Variants in PDP2 observed in about 807,000 individuals in gnomAD.
PDP2 encodes pyruvate dehydrogenase phosphatase catalytic subunit 2.
In PDP2, 23 loss-of-function variants were observed where a neutral mutation model predicts 34.2. That is an observed-to-expected ratio of 0.67 (90% CI 0.48 to 0.95). The LOEUF is 0.95. Ranked by LOEUF, PDP2 falls within the 40% of genes least tolerant of loss-of-function variation. PDP2 has a pLI of 0.00. For missense variants in PDP2, 571 were observed against 659.6 expected (o/e 0.87, Z 1.47); for synonymous variants, 275 against 269.2 (o/e 1.02, Z -0.21).
Position 66,885,056 on chromosome 16 carries a change from C to A in PDP2, c.772C>A (p.Leu258Met), listed in dbSNP as rs770320220. The change falls in exon 2 of 2, where the codon CTG becomes ATG. Residue 258 changes from leucine to methionine, a missense_variant. By Grantham distance (15) the Leu-to-Met change is conservative. This residue lies in a region of PDP2 where 281 missense variants were observed against 375.8 expected (regional missense o/e 0.75). Coordinates refer to ENST00000311765, the MANE Select transcript of PDP2 (RefSeq NM_020786.4). This position sits in a 1 kb window ranked among gnomAD's most constrained non-coding sequence, Gnocchi z 4.6. ...APLEDEVTRN[L>M]SLQVAFSGAT... is the part of the protein sequence containing the mutation. ...CCTGGAAGATGAGGTGACAAGGAACCTGTCACTCCAGGTTGCTTTCTCTGG... is the reference window on the plus strand; with the variant it reads ...CCTGGAAGATGAGGTGACAAGGAACATGTCACTCCAGGTTGCTTTCTCTGG... The A allele has an allele frequency of 2.5e-6, 4 of 1,613,952 alleles. No individual in the cohort carries two copies. In the Admixed American group the frequency reaches 6.7e-5, roughly 27 times the overall value.
In PDP2 at chr16:66,884,439, C is replaced by T. The variant is rs1171197945; in HGVS notation, c.155C>T (p.Ser52Phe). 1.9e-6 allele frequency: 3 copies of T among 1,614,002 alleles called. No individual in the cohort carries two copies. Among genetic ancestry groups the T allele is most frequent in the East Asian group, 2.2e-5 (1 of 44,896 alleles). Residue 52 changes from serine to phenylalanine, a missense_variant, in exon 2 of 2, where the codon TCC becomes TTC. By Grantham distance (155) the Ser-to-Phe change is radical (BLOSUM62 -2). This residue lies in a region of PDP2 where 290 missense variants were observed against 283.8 expected (regional missense o/e 1.02). Coordinates refer to ENST00000311765, the MANE Select transcript of PDP2 (RefSeq NM_020786.4). The part of the protein sequence containing the change: ...FSRVPPTLNS[S>F]PCGGFTLCKA... Reference sequence around the variant, plus strand: ...CGGGTGCCACCCACCCTAAACAGTTCCCCATGTGGTGGCTTTACTCTGTGC... The same window carrying T: ...CGGGTGCCACCCACCCTAAACAGTTTCCCATGTGGTGGCTTTACTCTGTGC...
intron 1 of PDP2, among the ~76,000 whole-genome samples, chr16:66,881,502 G>A (rs978887688): frequency 7.3e-5 from 11 of 151,154 alleles, no homozygotes; most frequent in African/African-American, 2.7e-4. Flanking sequence ...CAGGGCTAGT[G>A]AAGGGACTAG....
chr16:66,884,205 T>A lies in PDP2; in HGVS notation c.-54-26T>A, dbSNP rs1311003629. The A allele has an allele frequency of 1.0e-5, 13 of 1,304,428 alleles. No individual in the cohort carries two copies. The East Asian group carries it at 3.0e-4, about 31-fold the overall frequency. 80.8% of individuals were successfully genotyped at this position (1,304,428 alleles called of 1,614,324 possible). ...AAAAAAAAAAAAAAGAAATTAAATT[T>A]GAAACTTCAACTTTTTAATTTTTAG... On this transcript the variant is annotated intron_variant, in intron 1 of 1. Transcript: ENST00000311765.
rs1467343041 is a variant in PDP2, at chr16:66,889,042, A to T, written c.*3168A>T. ...TCTCCCTGACCACTATCCTGCTGTCATTGGACTTCTTGAAGCACATGGGCT... is the reference window on the plus strand; with the variant it reads ...TCTCCCTGACCACTATCCTGCTGTCTTTGGACTTCTTGAAGCACATGGGCT... On this transcript the variant is annotated 3_prime_UTR_variant, in exon 2 of 2. Transcript: ENST00000311765. 6.7e-6 allele frequency: 1 copy of T among 149,182 alleles called. No individual in the cohort carries two copies. The highest frequency in any genetic ancestry group is 2.6e-5 in the African/African-American group (1 of 39,114). The allele number at this position is 149,182 out of a possible 1,614,324, so 9.2% of individuals were successfully genotyped here.
In PDP2 at chr16:66,884,699, A is replaced by C. The variant is rs199732145; in HGVS notation, c.415A>C (p.Ile139Leu). 69 of 1,614,228 alleles carry C rather than the reference A, an allele frequency of 4.3e-5. No homozygotes were observed. Among genetic ancestry groups the C allele is most frequent in the Non-Finnish European group, 5.8e-5 (68 of 1,180,046 alleles). The stretch of plus-strand genomic sequence containing the variant: ...GCAAACCAATGGACTGATGTTTGGC[A>C]TCTTCGATGGACATGGTGGTCATGC... ...CLQTNGLMFGIFDGHGGHACA... is the reference protein window; with the variant it reads ...CLQTNGLMFGLFDGHGGHACA... Residue 139 changes from isoleucine (I) to leucine (L), a missense_variant, in exon 2 of 2, where the codon ATC becomes CTC. Ile to Leu is a conservative substitution (Grantham distance 5). Coordinates refer to ENST00000311765, the MANE Select transcript of PDP2 (RefSeq NM_020786.4).
Position 66,885,451 on chromosome 16 carries a change from G to T in PDP2, c.1167G>T (p.Leu389=), listed in dbSNP as rs1242976324. ...TPPHYYTPPY[L]TAEPEVTYHR... is the part of the protein sequence containing the mutation. The stretch of plus-strand genomic sequence containing the variant: ...CACACTACTACACTCCACCCTACCT[G>T]ACTGCTGAGCCTGAGGTCACATACC... The change falls in exon 2 of 2, where the codon CTG becomes CTT. Residue 389 remains leucine, a synonymous_variant. Transcript: ENST00000311765. The surrounding 1 kb of genome is among the most constrained non-coding windows in gnomAD (Gnocchi z 4.6). 1.7e-5 allele frequency: 28 copies of T among 1,613,742 alleles called. No homozygotes were observed. Among genetic ancestry groups the T allele is most frequent in the Non-Finnish European group, 2.4e-5 (28 of 1,180,038 alleles).
rs754711019 is a variant in PDP2, at chr16:66,884,979, T to G, written c.695T>G (p.Met232Arg). 1.2e-6 allele frequency: 2 copies of G among 1,613,700 alleles called. No homozygotes were observed. The highest frequency in any genetic ancestry group is 1.1e-5 in the South Asian group (1 of 91,086). Residue 232 changes from methionine to arginine, a missense_variant, in exon 2 of 2, where the codon ATG becomes AGG. Physicochemically the swap from Met to Arg is moderately conservative, Grantham distance 91. Around this residue, in one of 2 missense-constraint regions of PDP2, gnomAD observed 290 missense variants for 283.8 expected, o/e 1.02. Coordinates refer to ENST00000311765, the MANE Select transcript of PDP2 (RefSeq NM_020786.4). ...EMGLSIEEAL[M>R]YSFQRLDSDI... The stretch of plus-strand genomic sequence containing the variant: ...GGACTAAGCATTGAAGAAGCATTAA[T>G]GTACTCCTTCCAGAGACTGGATTCT...
Position 66,885,990 on chromosome 16 carries a change from A to G in PDP2, c.*116A>G, listed in dbSNP as rs1961752347. 4 of 1,067,218 alleles carry G rather than the reference A, an allele frequency of 3.7e-6. No individual in the cohort carries two copies. The allele number at this position is 1,067,218 out of a possible 1,614,324, so 66.1% of individuals were successfully genotyped here. On this transcript the variant is annotated 3_prime_UTR_variant, in exon 2 of 2. Transcript: ENST00000311765. The surrounding 1 kb of genome is among the most constrained non-coding windows in gnomAD (Gnocchi z 4.6). Reference sequence around the variant, plus strand: ...AAAGCGCAGGCAGATTTAATTTGCTAAATAGACTAACAGGAGGAAAAAAAC... The same window carrying G: ...AAAGCGCAGGCAGATTTAATTTGCTGAATAGACTAACAGGAGGAAAAAAAC...
intron 1 of PDP2, among the ~76,000 whole-genome samples, chr16:66,881,427 T>TTTTTTAA (rs775338010): frequency 8.5e-5 from 12 of 141,336 alleles, no homozygotes; most frequent in African/African-American, 1.9e-4. Flanking sequence ...TGTTTTTTTT[T>TTTTTTAA]TTTTAATTTA....
In PDP2 at chr16:66,887,662, T is replaced by G. The variant is rs1360884177; in HGVS notation, c.*1788T>G. ...TCCTTTTATTCTGAAACCATTAATATTCCTTCTTGGCTGGGTGCAGTAGTT... is the reference window on the plus strand; with the variant it reads ...TCCTTTTATTCTGAAACCATTAATAGTCCTTCTTGGCTGGGTGCAGTAGTT... On this transcript the variant is annotated 3_prime_UTR_variant, in exon 2 of 2. Transcript: ENST00000311765. 1.2e-5 allele frequency: 2 copies of G among 167,092 alleles called. No homozygotes were observed. The highest frequency in any genetic ancestry group is 6.5e-5 in the Admixed American group (1 of 15,282). 10.4% of individuals were successfully genotyped at this position (167,092 alleles called of 1,614,324 possible). A position where few individuals can be genotyped will look rare whatever the true frequency, so the allele number is the denominator to read the frequency against.
In PDP2 at chr16:66,885,335, G is replaced by A. The variant is rs1267735075; in HGVS notation, c.1051G>A (p.Val351Ile). The change falls in exon 2 of 2, where the codon GTT becomes ATT. Residue 351 changes from valine to isoleucine, a missense_variant. Physicochemically the swap from Val to Ile is conservative, Grantham distance 29. Transcript: ENST00000311765. This position sits in a 1 kb window ranked among gnomAD's most constrained non-coding sequence, Gnocchi z 4.6. ...VLIPCRAFGD[V>I]QLKWSKELQR... is the part of the protein sequence containing the mutation. ...CATCCCCTGCAGGGCCTTTGGGGAT[G>A]TTCAGCTGAAGTGGAGTAAAGAGTT... The A allele has an allele frequency of 1.2e-6, 2 of 1,614,020 alleles. No individual in the cohort carries two copies. The highest frequency in any genetic ancestry group is 2.7e-5 in the African/African-American group (2 of 74,938).
At chr16:66,881,092 C>T (rs1961494729) in intron 1 of PDP2, among the ~76,000 whole-genome samples, 1 of 152,222 alleles carries the variant, frequency 6.6e-6, no homozygotes, top group Non-Finnish European at 1.5e-5. Flanking sequence ...GGAGTCCATG[C>T]ACTTAGCGAT....
At chr16:66,881,428 T>TTTTAATTTAATTTAATTTAA (rs57764227) in intron 1 of PDP2, among the ~76,000 whole-genome samples, 12 of 119,176 alleles carry the variant, frequency 1.0e-4, no homozygotes, top group African/African-American at 4.9e-4. Context: ...GTTTTTTTTT[T>TTTTAATTTAATTTAATTTAA]TTTAATTTAA....
At position 66,886,329 on chromosome 16, in the gene PDP2, T is replaced by C; in HGVS notation, c.*455T>C. The C allele has an allele frequency of 4.1e-6, 1 of 245,144 alleles. No homozygotes were observed. The highest frequency in any genetic ancestry group is 9.2e-6 in the Non-Finnish European group (1 of 108,966). The allele number at this position is 245,144 out of a possible 1,614,324, so 15.2% of individuals were successfully genotyped here. A position where few individuals can be genotyped will look rare whatever the true frequency, so the allele number is the denominator to read the frequency against. On this transcript the variant is annotated 3_prime_UTR_variant, in exon 2 of 2. Coordinates refer to ENST00000311765, the MANE Select transcript of PDP2 (RefSeq NM_020786.4). ...AGACTATGAAGAGATATTTTATTTG[T>C]TTGTCTTTTATTTAAATTACTAAGG...
chr16:66,883,936 AG>A (rs1421628723), intron 1 of PDP2, among the ~76,000 whole-genome samples: 1 of 151,820 alleles, frequency 6.6e-6, no homozygotes, highest in Non-Finnish European at 1.5e-5. Context: ...GCACTTTGGG[AG>A]GCCGAGGCAG....
intron 1 of PDP2, among the ~76,000 whole-genome samples, chr16:66,881,893 G>A (rs1212923888): frequency 6.6e-6 from 1 of 152,054 alleles, no homozygotes; most frequent in African/African-American, 2.4e-5. Context: ...ATCACCCAGG[G>A]TGGTCTTAAA....
In PDP2 at chr16:66,885,565, G is replaced by A. The variant is rs367888427; in HGVS notation, c.1281G>A (p.Val427=). 4 of 1,614,130 alleles carry A rather than the reference G, an allele frequency of 2.5e-6. No individual in the cohort carries two copies. The African/African-American group carries it at 4.0e-5, about 16-fold the overall frequency. The change falls in exon 2 of 2, where the codon GTG becomes GTA. Residue 427 remains valine (V), a synonymous_variant. Coordinates refer to ENST00000311765, the MANE Select transcript of PDP2 (RefSeq NM_020786.4). This position sits in a 1 kb window ranked among gnomAD's most constrained non-coding sequence, Gnocchi z 4.6. ...MLSNEDVVRL[V]VGHLAEADWH... ...GCAATGAGGACGTGGTAAGGCTGGT[G>A]GTGGGGCACCTGGCTGAGGCAGATT...
Position 66,886,089 on chromosome 16 carries a change from T to A in PDP2, c.*215T>A. On this transcript the variant is annotated 3_prime_UTR_variant, in exon 2 of 2. Transcript: ENST00000311765. ...CTGTATGTTCTGATTAAGTCTTATA[T>A]GCAGAGAGGACAGAGCATAAAGTCT... The A allele has an allele frequency of 3.6e-6, 2 of 559,818 alleles. No individual in the cohort carries two copies. Among genetic ancestry groups the A allele is most frequent in the South Asian group, 4.5e-5 (2 of 44,308 alleles). 34.7% of individuals were successfully genotyped at this position (559,818 alleles called of 1,614,324 possible).
chr16:66,885,284 A>G lies in PDP2; in HGVS notation c.1000A>G (p.Met334Val), dbSNP rs762520660. ...TGAGTCAGAGGACAGGACGATCATCATGGAGGACAGGCTACTGGGCGTCCT... is the reference window on the plus strand; with the variant it reads ...TGAGTCAGAGGACAGGACGATCATCGTGGAGGACAGGCTACTGGGCGTCCT... Reference protein sequence around the residue: ...HPESEDRTIIMEDRLLGVLIP... With the variant: ...HPESEDRTIIVEDRLLGVLIP... The change falls in exon 2 of 2, where the codon ATG becomes GTG. Residue 334 changes from methionine to valine, a missense_variant. By Grantham distance (21) the Met-to-Val change is conservative. Coordinates refer to ENST00000311765, the MANE Select transcript of PDP2 (RefSeq NM_020786.4). The surrounding 1 kb of genome is among the most constrained non-coding windows in gnomAD (Gnocchi z 4.6). 35 of 1,614,052 alleles carry G rather than the reference A, an allele frequency of 2.2e-5. No homozygotes were observed. The highest frequency in any genetic ancestry group is 2.8e-5 in the Non-Finnish European group (33 of 1,180,042).
Sources: gnomAD v4.1 joint callset for allele counts (sites outside exome capture counted in the v4.1 genomes callset) on GRCh38, gnomAD v4.1.1 for gene constraint, gnomAD v4.1.1 regional missense constraint, Gnocchi (gnomAD v3.1) non-coding constraint, MANE v1.5 for transcripts, NCBI Gene and HGNC (gene_info 2026-07-23, HGNC 2026-07-21) for gene names.